Variants in EFR3A observed in about 807,000 individuals in gnomAD.
The protein encoded by EFR3A is EFR3 homolog A.
Under a neutral mutation model 104.4 loss-of-function variants are expected in EFR3A, and 76 were observed. The observed-to-expected ratio is 0.73, with a 90% CI of 0.60 to 0.88. The LOEUF is 0.88. Among genes scored for constraint, EFR3A ranks in the 40% least tolerant of loss-of-function variants. The probability of loss-of-function intolerance (pLI) is 0.00; values close to 1 mark genes in which losing one functional copy is unlikely to be tolerated. For synonymous variants in EFR3A, 330 were observed against 330.0 expected (o/e 1.00, Z 0.00); for missense variants, 985 against 1,012.5 (o/e 0.97, Z 0.37).
intron 1 of EFR3A, among the ~76,000 whole-genome samples, chr8:131,925,303 T>C (rs1265137305): frequency 2.6e-5 from 4 of 152,158 alleles, no homozygotes; most frequent in African/African-American, 4.8e-5. Context: ...GCATTATAAA[T>C]TGTTCTTAGT....
At chr8:131,942,190 T>G (rs547950547) in intron 2 of EFR3A, among the ~76,000 whole-genome samples, 7 of 152,186 alleles carry the variant, frequency 4.6e-5, no homozygotes, top group Non-Finnish European at 7.4e-5. Context: ...GAATCCTTAT[T>G]TTTGCCAAGG....
Position 131,970,521 on chromosome 8 carries a change from G to A in EFR3A, c.1037G>A (p.Arg346His), listed in dbSNP as rs761376650. 21 of 1,613,748 alleles carry A rather than the reference G, an allele frequency of 1.3e-5. No homozygotes were observed. The highest frequency in any genetic ancestry group is 1.2e-4 in the African/African-American group (9 of 74,912). ...EVFNTLLKHL[R>H]LSVEFEANDL... ...TTCAATACCCTTTTGAAACATCTGCGTCTCAGCGTTGAATTCGAAGCAAAT... is the reference window on the plus strand; with the variant it reads ...TTCAATACCCTTTTGAAACATCTGCATCTCAGCGTTGAATTCGAAGCAAAT... Residue 346 changes from arginine to histidine, a missense_variant, in exon 10 of 23, where the codon CGT (arginine) becomes CAT (histidine). Coordinates refer to ENST00000254624, the MANE Select transcript of EFR3A (RefSeq NM_015137.6).
chr8:132,010,676 A>T, intron 22 of EFR3A, 114 bp from the exon 23 acceptor site: 4 of 1,271,384 alleles, frequency 3.1e-6, no homozygotes, highest in Non-Finnish European at 4.3e-6. Flanking sequence ...AATGGCATTG[A>T]TCACTGCAAT....
chr8:131,926,528 T>C (rs2130474132), intron 1 of EFR3A, among the ~76,000 whole-genome samples: 1 of 152,218 alleles, frequency 6.6e-6, no homozygotes, highest in South Asian at 2.1e-4. Flanking sequence ...ATACTAAAAA[T>C]TACATTTTAA....
intron 1 of EFR3A, among the ~76,000 whole-genome samples, chr8:131,920,410 G>A (rs1816947027): frequency 6.6e-6 from 1 of 152,148 alleles, no homozygotes; most frequent in Non-Finnish European, 1.5e-5. Flanking sequence ...CCCTCTAACA[G>A]CATAAAAGGC....
intron 2 of EFR3A, among the ~76,000 whole-genome samples, chr8:131,942,460 TTAG>T (rs143505759): frequency 9.4e-4 from 143 of 152,182 alleles, no homozygotes; most frequent in African/African-American, 3.4e-3. Flanking sequence ...TTTCTTAAAA[TTAG>T]TAGCCAGATG....
At chr8:132,001,640 G>A in intron 19 of EFR3A, 119 bp from the exon 20 acceptor site, 1 of 797,926 alleles carries the variant, frequency 1.3e-6, no homozygotes, top group Non-Finnish European at 2.1e-6. Flanking sequence ...TCACAGCTCA[G>A]ACCCAACACA....
In EFR3A at chr8:131,922,967, C is replaced by T. The variant is rs187476470; in HGVS notation, c.11-17532C>T. On this transcript the variant is annotated intron_variant, in intron 1 of 22. Coordinates refer to ENST00000254624, the MANE Select transcript of EFR3A (RefSeq NM_015137.6). Reference sequence around the variant, plus strand: ...ATGCATATTGACTTACTACTGAATGCTTATTACTAATAACACTTTCTATTG... The same window carrying T: ...ATGCATATTGACTTACTACTGAATGTTTATTACTAATAACACTTTCTATTG... Among the ~76,000 whole-genome samples, 1,038 of 152,202 alleles carry T rather than the reference C, an allele frequency of 6.8e-3. 27 individuals are homozygous for T. Among genetic ancestry groups the T allele is most frequent in the Admixed American group, 0.023 (359 of 15,282 alleles).
intron 22 of EFR3A, among the ~76,000 whole-genome samples, chr8:132,010,235 A>G (rs1822259223): frequency 6.6e-6 from 1 of 151,716 alleles, no homozygotes; most frequent in Non-Finnish European, 1.5e-5. Flanking sequence ...ACCAAAGTCA[A>G]CATTTTGAGT....
At chr8:131,946,349 C>G (rs1586581953) in intron 3 of EFR3A, 134 bp from the exon 4 acceptor site, 2 of 763,514 alleles carry the variant, frequency 2.6e-6, no homozygotes, top group East Asian at 6.4e-5. Context: ...TAAGATTTTA[C>G]TTAGGAGTTA....
intron 3 of EFR3A, 70 bp downstream of exon 3, chr8:131,944,942 A>G: frequency 1.3e-6 from 2 of 1,533,346 alleles, no homozygotes; most frequent in South Asian, 2.5e-5. Flanking sequence ...ATCATTCTAT[A>G]GATTATTTTG....
In EFR3A at chr8:131,946,539, AAAGCATT is replaced by A. The variant is rs1339242993; in HGVS notation, c.277_283del (p.Ile93HisfsTer3). On this transcript the variant is annotated frameshift_variant, in exon 4 of 23. Transcript: ENST00000254624. LOFTEE classifies it high-confidence loss of function. ...CAACTTCTCATGGCTTGCCATTCTC[AAAGCATT>A]AAGCCATTTGTAGAAAGCTTTCTTC... 1 of 1,608,206 alleles carries A rather than the reference AAAGCATT, an allele frequency of 6.2e-7. No homozygotes were observed. The highest frequency in any genetic ancestry group is 1.1e-5 in the South Asian group (1 of 90,078).
rs1355221466 is a variant in EFR3A, at chr8:131,962,968, T to C, written c.855+3305T>C. 3.3e-5 allele frequency among the ~76,000 whole-genome samples: 5 copies of C among 151,690 alleles called. No homozygotes were observed. The East Asian group carries it at 9.6e-4, about 29-fold the overall frequency. On this transcript the variant is annotated intron_variant, in intron 8 of 22. Transcript: ENST00000254624. ...ACTGAGCAACCTGCTCCTGAATGAC[T>C]ACTGGGTATATAACGAAATGAAGGC... is the stretch of plus-strand genomic sequence containing the variant.
intron 8 of EFR3A, among the ~76,000 whole-genome samples, chr8:131,964,529 C>T (rs1207332655): frequency 3.3e-5 from 5 of 152,024 alleles, no homozygotes; most frequent in Admixed American, 3.3e-4. Flanking sequence ...TGTGAAGGAC[C>T]TCTTCAAGGA....
In EFR3A at chr8:131,968,417, T is replaced by C; in HGVS notation, c.978T>C (p.Ala326=). The C allele has an allele frequency of 6.2e-7, 1 of 1,613,570 alleles. No homozygotes were observed. Among genetic ancestry groups the C allele is most frequent in the Non-Finnish European group, 8.5e-7 (1 of 1,179,578 alleles). ...QVLLEAVAIA[A]KGSIGPTVLE... Reference sequence around the variant, plus strand: ...TGTTAGAGGCTGTTGCCATTGCTGCTAAAGGTTCCATAGGTGAGTGCCAAT... The same window carrying C: ...TGTTAGAGGCTGTTGCCATTGCTGCCAAAGGTTCCATAGGTGAGTGCCAAT... The change falls in exon 9 of 23, where the codon GCT becomes GCC. Residue 326 remains alanine (A), a synonymous_variant. Transcript: ENST00000254624.
intron 14 of EFR3A, among the ~76,000 whole-genome samples, chr8:131,982,932 G>A (rs6471019): frequency 0.37 from 56,677 of 151,954 alleles, 10,862 homozygotes; most frequent in East Asian, 0.61. Context: ...GTAGCTTTAT[G>A]TCTGTAGCCA....
rs553434712 is a variant in EFR3A at position 131,984,192 on chromosome 8, C to T, written c.1629C>T (p.Asn543=). 29 of 1,612,254 alleles carry T rather than the reference C, an allele frequency of 1.8e-5. No homozygotes were observed. Among genetic ancestry groups the T allele is most frequent in the Non-Finnish European group, 2.3e-5 (27 of 1,179,108 alleles). The change falls in exon 15 of 23, where the codon AAC becomes AAT. Residue 543 remains asparagine, a synonymous_variant. Transcript: ENST00000254624. The part of the protein sequence containing the change: ...HIYLGCKEED[N]VQKNYELLYT... ...ATTTGGGTTGTAAAGAGGAAGACAA[C>T]GTTCAGAAAAACTATGAACTACTTT...
chr8:131,935,744 C>G (rs1490512580), intron 1 of EFR3A, among the ~76,000 whole-genome samples: 1 of 152,014 alleles, frequency 6.6e-6, no homozygotes, highest in East Asian at 1.9e-4. Flanking sequence ...TGGAGGATAG[C>G]TTTATCCCAA....
In EFR3A at chr8:132,011,172, A is replaced by G; in HGVS notation, c.*277A>G. On this transcript the variant is annotated 3_prime_UTR_variant, in exon 23 of 23. Coordinates refer to ENST00000254624, the MANE Select transcript of EFR3A (RefSeq NM_015137.6). ...TTGGTTTCACTTTATTCCACTGTTA[A>G]GTAGTATGTTTTAAACTTTTCACAA... is the stretch of plus-strand genomic sequence containing the variant. The G allele has an allele frequency of 1.8e-6, 2 of 1,093,194 alleles. No individual in the cohort carries two copies. Among genetic ancestry groups the G allele is most frequent in the Non-Finnish European group, 2.2e-6 (2 of 895,960 alleles). The allele number at this position is 1,093,194 out of a possible 1,614,324, so 67.7% of individuals were successfully genotyped here.
Sources: gnomAD v4.1 joint callset for allele counts (sites outside exome capture counted in the v4.1 genomes callset) on GRCh38, gnomAD v4.1.1 for gene constraint, MANE v1.5 for transcripts, NCBI Gene and HGNC (gene_info 2026-07-23, HGNC 2026-07-21) for gene names.